Variants in CDS1 observed in about 807,000 individuals in gnomAD.
CDS1 encodes CDP-diacylglycerol synthase 1, also known as phosphatidate cytidylyltransferase 1.
A neutral mutation model predicts 62.1 loss-of-function variants in CDS1; 41 were observed. The observed-to-expected ratio is 0.66, with a 90% CI of 0.51 to 0.86. The LOEUF (loss-of-function observed/expected upper bound fraction) is 0.86, where lower values mean the gene tolerates loss of function less well. Among genes scored for constraint, CDS1 ranks in the 40% least tolerant of loss-of-function variants. CDS1 has a pLI of 0.00. For missense variants in CDS1, 470 were observed against 550.1 expected (o/e 0.85, Z 1.46); for synonymous variants, 185 against 192.6 (o/e 0.96, Z 0.32).
At chr4:84,599,630 G>A (rs1722874608) in intron 1 of CDS1, among the ~76,000 whole-genome samples, 1 of 149,936 alleles carries the variant, frequency 6.7e-6, no homozygotes, top group Admixed American at 6.7e-5. Context: ...ACGTGTGTGT[G>A]TATATATATA....
chr4:84,614,903 C>G (rs916902977), intron 3 of CDS1, among the ~76,000 whole-genome samples: 1 of 152,168 alleles, frequency 6.6e-6, no homozygotes, highest in Non-Finnish European at 1.5e-5. Context: ...TTGGCAGGCT[C>G]TGACTGGTGA....
At chr4:84,644,053 A>C (rs989740300) in intron 11 of CDS1, among the ~76,000 whole-genome samples, 1 of 152,216 alleles carries the variant, frequency 6.6e-6, no homozygotes, top group Non-Finnish European at 1.5e-5. Flanking sequence ...GAGCAAGAAC[A>C]GTGTGGCTGT....
At chr4:84,623,749 C>T (rs1175461129) in intron 5 of CDS1, among the ~76,000 whole-genome samples, 1 of 152,170 alleles carries the variant, frequency 6.6e-6, no homozygotes, top group Non-Finnish European at 1.5e-5. Flanking sequence ...GCGGGCTTAA[C>T]TTAGCCGTTC....
chr4:84,622,258 A>G (rs1372801892), intron 5 of CDS1, among the ~76,000 whole-genome samples: 1 of 152,108 alleles, frequency 6.6e-6, no homozygotes, highest in African/African-American at 2.4e-5. Context: ...ATTGAACCCA[A>G]CACTTTTGTT....
intron 10 of CDS1, among the ~76,000 whole-genome samples, chr4:84,641,442 C>G (rs976412023): frequency 2.6e-5 from 4 of 152,174 alleles, no homozygotes; most frequent in African/African-American, 9.7e-5. Flanking sequence ...ATTTTTAATT[C>G]TTTGATATAC....
At chr4:84,585,220 A>G (rs919700600) in intron 1 of CDS1, among the ~76,000 whole-genome samples, 8 of 152,164 alleles carry the variant, frequency 5.3e-5, no homozygotes, top group African/African-American at 1.9e-4. Context: ...ATATTTATTT[A>G]TTTATCAATG....
chr4:84,646,470 A>G (rs1724561390), intron 12 of CDS1, among the ~76,000 whole-genome samples: 1 of 152,116 alleles, frequency 6.6e-6, no homozygotes, highest in Admixed American at 6.5e-5. Context: ...GTATCACTTT[A>G]TCCTCTTCCT....
At chr4:84,645,092 T>G in intron 11 of CDS1, 130 bp from the exon 12 acceptor site, 1 of 656,378 alleles carries the variant, frequency 1.5e-6, no homozygotes, top group Non-Finnish European at 2.7e-6. Context: ...TAAGTTTTTA[T>G]TTAGTGAAAA....
chr4:84,626,471 G>C (rs1443367248), intron 5 of CDS1, among the ~76,000 whole-genome samples: 2 of 152,068 alleles, frequency 1.3e-5, no homozygotes, highest in African/African-American at 2.4e-5. Flanking sequence ...TTGTTATTTT[G>C]AGACAGGATC....
intron 11 of CDS1, among the ~76,000 whole-genome samples, chr4:84,644,588 C>T (rs987367171): frequency 6.6e-6 from 1 of 152,074 alleles, no homozygotes; most frequent in Admixed American, 6.6e-5. Flanking sequence ...ACTAGAAGAG[C>T]AGTTAGTCAT....
intron 3 of CDS1, among the ~76,000 whole-genome samples, chr4:84,613,439 T>C (rs1026975531): frequency 2.6e-5 from 4 of 152,092 alleles, no homozygotes; most frequent in Non-Finnish European, 5.9e-5. Context: ...TGAAACCCTG[T>C]CTCTACTCAA....
At chr4:84,615,492 C>G (rs1275474837) in intron 3 of CDS1, among the ~76,000 whole-genome samples, 1 of 152,062 alleles carries the variant, frequency 6.6e-6, no homozygotes, top group Non-Finnish European at 1.5e-5. Context: ...TCCAGCAACT[C>G]CACCCTCCTA....
chr4:84,583,751 GC>G (rs1311985519), intron 1 of CDS1, among the ~76,000 whole-genome samples: 1 of 152,128 alleles, frequency 6.6e-6, no homozygotes, highest in Non-Finnish European at 1.5e-5. Flanking sequence ...GGAGAAATGG[GC>G]CACTCAACCC....
intron 1 of CDS1, among the ~76,000 whole-genome samples, chr4:84,587,903 G>A (rs918981402): frequency 6.6e-6 from 1 of 152,148 alleles, no homozygotes; most frequent in Admixed American, 6.5e-5. Context: ...ACCTTTAAAA[G>A]TGTCAGACTC....
chr4:84,647,417 T>C (rs937779598), intron 12 of CDS1, among the ~76,000 whole-genome samples: 1 of 152,156 alleles, frequency 6.6e-6, no homozygotes, highest in Admixed American at 6.5e-5. Flanking sequence ...TGCTGAGCCA[T>C]GTTGTCCACC....
At chr4:84,614,273 A>G (rs1004677232) in intron 3 of CDS1, among the ~76,000 whole-genome samples, 1 of 152,128 alleles carries the variant, frequency 6.6e-6, no homozygotes, top group African/African-American at 2.4e-5. Flanking sequence ...AACTTTTAAA[A>G]AAAAGTTTTG....
Position 84,600,723 on chromosome 4 carries a change from C to G in CDS1, c.118-3520C>G, listed in dbSNP as rs758923235. Among the ~76,000 whole-genome samples the G allele has an allele frequency of 2.9e-4, 44 of 152,134 alleles. 1 individual carries two copies. Among genetic ancestry groups the G allele is most frequent in the Non-Finnish European group, 5.9e-4 (40 of 68,030 alleles). Reference sequence around the variant, plus strand: ...CTCTTGAAAACAGGTAATATAAGTCCTTCAACTTTATTCTCTTTCCAAACT... The same window carrying G: ...CTCTTGAAAACAGGTAATATAAGTCGTTCAACTTTATTCTCTTTCCAAACT... On this transcript the variant is annotated intron_variant, in intron 1 of 12. Transcript: ENST00000295887.
At chr4:84,623,705 A>G (rs1227960890) in intron 5 of CDS1, among the ~76,000 whole-genome samples, 1 of 152,154 alleles carries the variant, frequency 6.6e-6, no homozygotes, top group East Asian at 1.9e-4. Flanking sequence ...GGCTTAGAAC[A>G]ATTTGTTATT....
intron 3 of CDS1, among the ~76,000 whole-genome samples, chr4:84,612,307 A>G (rs373482489): frequency 7.9e-5 from 12 of 152,120 alleles, no homozygotes; most frequent in Middle Eastern, 3.4e-3. Context: ...AAGAATTAAG[A>G]AGAATTTATT....
Sources: allele counts gnomAD v4.1 joint callset (sites outside exome capture counted in the v4.1 genomes callset), GRCh38; gene constraint gnomAD v4.1.1; transcripts MANE v1.5; gene names NCBI Gene and HGNC (gene_info 2026-07-23, HGNC 2026-07-21).